CHCHD6: variants seen among roughly 807,000 people sequenced by gnomAD.
CHCHD6 encodes coiled-coil-helix-coiled-coil-helix domain containing 6, also known as MICOS complex subunit MIC25.
In CHCHD6, 28 loss-of-function variants were observed where a neutral mutation model predicts 32.3. That is an observed-to-expected ratio of 0.87 (90% CI 0.64 to 1.19). The LOEUF (loss-of-function observed/expected upper bound fraction) is 1.19. Ranked by LOEUF, CHCHD6 falls within the 50% of genes most tolerant of loss-of-function variation. The probability of loss-of-function intolerance (pLI) is 0.00; values close to 1 mark genes in which losing one functional copy is unlikely to be tolerated. For missense variants in CHCHD6, 333 were observed against 307.0 expected (o/e 1.08, Z -0.63); for synonymous variants, 122 against 117.5 (o/e 1.04, Z -0.25).
chr3:126,753,686 C>G (rs924331620), intron 4 of CHCHD6, among the ~76,000 whole-genome samples: 5 of 152,182 alleles, frequency 3.3e-5, no homozygotes, highest in African/African-American at 1.2e-4. Flanking sequence ...GGCGCATTGC[C>G]CAGAGTTTCG....
intron 4 of CHCHD6, among the ~76,000 whole-genome samples, chr3:126,800,252 C>T (rs979616713): frequency 6.6e-6 from 1 of 152,136 alleles, no homozygotes; most frequent in Non-Finnish European, 1.5e-5. Context: ...CTATAGAAGG[C>T]ATATTGAACA....
At chr3:126,901,928 T>C (rs1450861019) in intron 5 of CHCHD6, among the ~76,000 whole-genome samples, 5 of 152,204 alleles carry the variant, frequency 3.3e-5, no homozygotes, top group Admixed American at 1.3e-4. Flanking sequence ...TCCTTTAATA[T>C]TCCTTTGAGG....
At chr3:126,727,238 G>T in intron 2 of CHCHD6, 52 bp downstream of exon 2, 1 of 1,365,004 alleles carries the variant, frequency 7.3e-7, no homozygotes, top group Non-Finnish European at 1.0e-6. Context: ...TGAAAGGAGT[G>T]ATGGGTGCTC....
At chr3:126,715,082 G>A (rs1362662900) in intron 1 of CHCHD6, among the ~76,000 whole-genome samples, 2 of 152,128 alleles carry the variant, frequency 1.3e-5, no homozygotes, top group African/African-American at 2.4e-5. Flanking sequence ...TGCTCTGCCC[G>A]TCCATCTCCC....
chr3:126,808,768 C>T (rs1470648100), intron 4 of CHCHD6, among the ~76,000 whole-genome samples: 2 of 152,164 alleles, frequency 1.3e-5, no homozygotes, highest in African/African-American at 4.8e-5. Context: ...TGTCAAAACT[C>T]TCCCCAAGTT....
chr3:126,752,834 A>G (rs1344458679), intron 4 of CHCHD6, among the ~76,000 whole-genome samples: 1 of 152,196 alleles, frequency 6.6e-6, no homozygotes, highest in Admixed American at 6.5e-5. Context: ...AAAAATGTAA[A>G]GAAGGAGCAG....
At chr3:126,755,989 G>C (rs1256450548) in intron 4 of CHCHD6, among the ~76,000 whole-genome samples, 1 of 152,128 alleles carries the variant, frequency 6.6e-6, no homozygotes, top group Non-Finnish European at 1.5e-5. Context: ...AGATGACTGT[G>C]AGGCTCTGGG....
At chr3:126,924,004 AT>A (rs2078289294) in intron 6 of CHCHD6, among the ~76,000 whole-genome samples, 1 of 152,188 alleles carries the variant, frequency 6.6e-6, no homozygotes, top group African/African-American at 2.4e-5. Flanking sequence ...ATCAGCAGCC[AT>A]GGGCACAAAG....
chr3:126,886,741 A>G (rs193125362), intron 5 of CHCHD6, among the ~76,000 whole-genome samples: 12 of 152,210 alleles, frequency 7.9e-5, no homozygotes, highest in African/African-American at 2.2e-4. Context: ...CTGGTCTCCT[A>G]CCTCCTTGGA....
intron 5 of CHCHD6, among the ~76,000 whole-genome samples, chr3:126,867,305 A>G (rs1942320441): frequency 6.6e-6 from 1 of 152,212 alleles, no homozygotes; most frequent in South Asian, 2.1e-4. Context: ...CACAAGCTGA[A>G]TCAGTACCTC....
chr3:126,812,133 G>A (rs375320906), intron 4 of CHCHD6, among the ~76,000 whole-genome samples: 40 of 150,432 alleles, frequency 2.7e-4, no homozygotes, highest in East Asian at 1.8e-3. Flanking sequence ...AAAAATCATA[G>A]TGGCTCTTTT....
At chr3:126,862,360 A>ACCT (rs1343247328) in intron 5 of CHCHD6, among the ~76,000 whole-genome samples, 1 of 74,838 alleles carries the variant, frequency 1.3e-5, no homozygotes, top group Non-Finnish European at 2.6e-5. Context: ...CACTATCACC[A>ACCT]CCTCCTCCAC....
intron 4 of CHCHD6, among the ~76,000 whole-genome samples, chr3:126,759,965 G>T (rs929620990): frequency 6.6e-6 from 1 of 152,122 alleles, no homozygotes; most frequent in Non-Finnish European, 1.5e-5. Flanking sequence ...GGCAAAGGGG[G>T]AATAGGCGTC....
At chr3:126,862,475 C>G (rs1941959429) in intron 5 of CHCHD6, among the ~76,000 whole-genome samples, 1 of 137,318 alleles carries the variant, frequency 7.3e-6, no homozygotes, top group African/African-American at 2.7e-5. Flanking sequence ...ATCACCACCT[C>G]CTCCTCTTCC....
At chr3:126,893,078 C>T (rs1337807715) in intron 5 of CHCHD6, among the ~76,000 whole-genome samples, 3 of 152,094 alleles carry the variant, frequency 2.0e-5, no homozygotes, top group Non-Finnish European at 4.4e-5. Context: ...AAGTGATTCT[C>T]CTGCCTCAGC....
intron 5 of CHCHD6, among the ~76,000 whole-genome samples, chr3:126,853,816 T>C (rs1406445985): frequency 6.6e-6 from 1 of 152,134 alleles, no homozygotes; most frequent in Admixed American, 6.5e-5. Context: ...CATGCACAGG[T>C]TTGACTGTAG....
intron 4 of CHCHD6, among the ~76,000 whole-genome samples, chr3:126,737,500 GAGAC>G (rs1936101563): frequency 6.6e-6 from 1 of 151,288 alleles, no homozygotes. Flanking sequence ...ATGGAAATAA[GAGAC>G]AGCTTCTGAC....
chr3:126,713,194 T>C (rs1235912700), intron 1 of CHCHD6, among the ~76,000 whole-genome samples: 1 of 152,174 alleles, frequency 6.6e-6, no homozygotes, highest in Non-Finnish European at 1.5e-5. Flanking sequence ...ATTTTACTTT[T>C]GAACAGGTTT....
chr3:126,720,009 T>A (rs1338703542), intron 1 of CHCHD6, among the ~76,000 whole-genome samples: 1 of 152,056 alleles, frequency 6.6e-6, no homozygotes. Context: ...GCCTCTTGAG[T>A]AGCTGGGATT....
Sources: allele counts gnomAD v4.1 joint callset (sites outside exome capture counted in the v4.1 genomes callset), GRCh38; gene constraint gnomAD v4.1.1; transcripts MANE v1.5; gene names NCBI Gene and HGNC (gene_info 2026-07-23, HGNC 2026-07-21).